CCSER1: variants seen among roughly 807,000 people sequenced by gnomAD.
The protein encoded by CCSER1 is coiled-coil serine rich protein 1, also known as serine-rich coiled-coil domain-containing protein 1.
CCSER1 carries 41 observed loss-of-function variants against 82.0 expected under a neutral mutation model. The observed-to-expected ratio is 0.50, with a 90% confidence interval of 0.39 to 0.65. The LOEUF is 0.65. CCSER1 is among the 30% of genes least tolerant of loss of function. The probability of loss-of-function intolerance (pLI) is 0.00; values close to 1 mark genes in which losing one functional copy is unlikely to be tolerated. For synonymous variants in CCSER1, 414 were observed against 383.9 expected, an observed-to-expected ratio of 1.08 and a Z score of -0.92; for missense variants, 1,119 against 1,064.2, an observed-to-expected ratio of 1.05 and a Z score of -0.72.
intron 9 of CCSER1, among the ~76,000 whole-genome samples, chr4:91,058,307 G>GC (rs1261209625): frequency 1.3e-5 from 2 of 151,900 alleles, no homozygotes; most frequent in African/African-American, 4.8e-5. Context: ...ATACTATGCA[G>GC]CTTTAAAAAA....
intron 1 of CCSER1, among the ~76,000 whole-genome samples, chr4:90,307,561 A>T (rs1373158170): frequency 6.6e-6 from 1 of 151,728 alleles, no homozygotes; most frequent in Non-Finnish European, 1.5e-5. Context: ...TGACGAGTTA[A>T]TGGGTGCAGC....
intron 1 of CCSER1, among the ~76,000 whole-genome samples, chr4:90,165,352 G>C (rs973965147): frequency 6.6e-6 from 1 of 152,024 alleles, no homozygotes; most frequent in Admixed American, 6.6e-5. Context: ...CTGCTGATTT[G>C]GTGATGAGCA....
chr4:90,283,418 A>C (rs1729230091), intron 1 of CCSER1, among the ~76,000 whole-genome samples: 1 of 152,030 alleles, frequency 6.6e-6, no homozygotes, highest in Non-Finnish European at 1.5e-5. Context: ...TTTTGATACA[A>C]GCATATAGCA....
chr4:91,296,326 A>T (rs558932346), intron 10 of CCSER1, among the ~76,000 whole-genome samples: 1 of 151,284 alleles, frequency 6.6e-6, no homozygotes, highest in South Asian at 2.1e-4. Context: ...AGGGAGAAGA[A>T]GTTAGAATCA....
chr4:90,516,877 G>A (rs1772358418), intron 5 of CCSER1, among the ~76,000 whole-genome samples: 1 of 152,108 alleles, frequency 6.6e-6, no homozygotes, highest in Non-Finnish European at 1.5e-5. Context: ...TTTATGAGGT[G>A]GATTTTGCTT....
intron 10 of CCSER1, among the ~76,000 whole-genome samples, chr4:91,249,766 T>C (rs1427237447): frequency 6.6e-6 from 1 of 152,146 alleles, no homozygotes; most frequent in East Asian, 1.9e-4. Flanking sequence ...AAAATATCTA[T>C]TAAGTTTCTC....
chr4:91,066,908 G>C (rs567054927), intron 9 of CCSER1, among the ~76,000 whole-genome samples: 1 of 151,474 alleles, frequency 6.6e-6, no homozygotes, highest in Non-Finnish European at 1.5e-5. Flanking sequence ...GCTCACACCT[G>C]TAATCCCAGT....
At chr4:90,710,442 C>T (rs1017864388) in intron 6 of CCSER1, among the ~76,000 whole-genome samples, 3 of 152,042 alleles carry the variant, frequency 2.0e-5, no homozygotes, top group African/African-American at 7.2e-5. Context: ...AGATTTTCTT[C>T]TAGAGCTTTT....
chr4:90,436,657 C>T (rs1247202800), intron 4 of CCSER1, among the ~76,000 whole-genome samples: 1 of 151,998 alleles, frequency 6.6e-6, no homozygotes, highest in Non-Finnish European at 1.5e-5. Flanking sequence ...ATGTTTATAT[C>T]ACAAAAAATT....
chr4:90,176,280 C>T lies in CCSER1; in HGVS notation c.-42+48449C>T, dbSNP rs142845218. On this transcript the variant is annotated intron_variant, in intron 1 of 10. Transcript: ENST00000509176. ...TGAATTCAGGAAAAAGAGTTATAAA[C>T]GTTGAAAACAATTAGTCATCATAGT... Among the ~76,000 whole-genome samples, 462 of 152,012 alleles carry T rather than the reference C, an allele frequency of 3.0e-3. 4 individuals carry two copies. The highest frequency in any genetic ancestry group is 0.011 in the African/African-American group (437 of 41,490).
intron 1 of CCSER1, among the ~76,000 whole-genome samples, chr4:90,207,933 G>A (rs1020077914): frequency 1.3e-5 from 2 of 152,152 alleles, no homozygotes; most frequent in South Asian, 2.1e-4. Context: ...GGTGTGTGTC[G>A]ACCCCTGCTG....
chr4:91,152,907 T>C (rs1730391149), intron 10 of CCSER1, among the ~76,000 whole-genome samples: 1 of 152,018 alleles, frequency 6.6e-6, no homozygotes, highest in South Asian at 2.1e-4. Context: ...CTTCCCTATT[T>C]GGGTAACCCA....
intron 3 of CCSER1, among the ~76,000 whole-genome samples, chr4:90,314,354 A>G (rs756268195): frequency 1.4e-4 from 21 of 152,294 alleles, no homozygotes; most frequent in Admixed American, 4.6e-4. Context: ...CGGATTTCCA[A>G]TTGATGCACC....
intron 1 of CCSER1, among the ~76,000 whole-genome samples, chr4:90,143,331 A>G (rs1725160375): frequency 6.6e-6 from 1 of 152,118 alleles, no homozygotes; most frequent in Non-Finnish European, 1.5e-5. Flanking sequence ...CATGTACCAT[A>G]TACCTTTCTT....
chr4:91,128,987 A>C (rs1727756684), intron 10 of CCSER1, among the ~76,000 whole-genome samples: 1 of 152,112 alleles, frequency 6.6e-6, no homozygotes, highest in Non-Finnish European at 1.5e-5. Flanking sequence ...ATAGCGATAT[A>C]AGGTGGATTC....
intron 8 of CCSER1, among the ~76,000 whole-genome samples, chr4:90,824,740 C>T (rs1310379138): frequency 6.6e-6 from 1 of 152,014 alleles, no homozygotes; most frequent in African/African-American, 2.4e-5. Flanking sequence ...ATTACAGCTC[C>T]ATGGATGATT....
intron 10 of CCSER1, among the ~76,000 whole-genome samples, chr4:91,596,595 G>C (rs1007294376): frequency 1.3e-5 from 2 of 151,980 alleles, no homozygotes; most frequent in African/African-American, 4.8e-5. Context: ...TAGAGTATTG[G>C]GAAAGAGCCA....
At chr4:90,625,371 C>T (rs547626497) in intron 5 of CCSER1, among the ~76,000 whole-genome samples, 2 of 152,198 alleles carry the variant, frequency 1.3e-5, no homozygotes, top group South Asian at 4.1e-4. Context: ...CAACTGTAAA[C>T]CATGGGCACC....
intron 10 of CCSER1, among the ~76,000 whole-genome samples, chr4:91,205,842 A>G (rs1328634889): frequency 1.3e-5 from 2 of 151,918 alleles, no homozygotes; most frequent in Non-Finnish European, 1.5e-5. Context: ...TCAATAAATA[A>G]CAAATATTTA....
Sources: allele counts gnomAD v4.1 joint callset (sites outside exome capture counted in the v4.1 genomes callset), GRCh38; gene constraint gnomAD v4.1.1; transcripts MANE v1.5; gene names NCBI Gene and HGNC (gene_info 2026-07-23, HGNC 2026-07-21).